TXNDC16: variants seen among roughly 807,000 people sequenced by gnomAD.
TXNDC16 encodes the protein thioredoxin domain-containing protein 16.
In TXNDC16, 74 loss-of-function variants were observed where a neutral mutation model predicts 85.6. That is an observed-to-expected ratio of 0.86 (90% confidence interval 0.72 to 1.05). The LOEUF is 1.05. TXNDC16 is among the 50% of genes least tolerant of loss of function. The pLI, the probability that TXNDC16 is intolerant of heterozygous loss-of-function variation, is 0.00. For missense variants in TXNDC16, 959 were observed against 947.0 expected, an observed-to-expected ratio of 1.01 and a Z score of -0.17; for synonymous variants, 335 against 326.5, an observed-to-expected ratio of 1.03 and a Z score of -0.28.
intron 8 of TXNDC16, 63 bp from the exon 9 acceptor site, chr14:52,511,453 AGC>A: frequency 3.7e-6 from 4 of 1,091,628 alleles, no homozygotes; most frequent in Non-Finnish European, 5.0e-6. Context: ...CCATCCAATA[AGC>A]TGTAACAATG....
chr14:52,528,917 T>C (rs1174381231), intron 6 of TXNDC16, among the ~76,000 whole-genome samples: 1 of 147,732 alleles, frequency 6.8e-6, no homozygotes, highest in Non-Finnish European at 1.5e-5. Flanking sequence ...TTATCTATAA[T>C]ACCTATTATA....
At chr14:52,530,014 ATAT>A (rs1257649575) in intron 6 of TXNDC16, among the ~76,000 whole-genome samples, 24 of 104,864 alleles carry the variant, frequency 2.3e-4, no homozygotes, top group Admixed American at 2.8e-4. Context: ...TATATATTAT[ATAT>A]TATATGTTAT....
At chr14:52,447,089 C>T (rs537832319) in intron 18 of TXNDC16, among the ~76,000 whole-genome samples, 2 of 152,164 alleles carry the variant, frequency 1.3e-5, no homozygotes, top group East Asian at 1.9e-4. Context: ...AAGGGTAGAA[C>T]ACCAAGCGGG....
At chr14:52,487,439 CTA>C (rs1375888631) in intron 12 of TXNDC16, among the ~76,000 whole-genome samples, 1 of 152,028 alleles carries the variant, frequency 6.6e-6, no homozygotes. Flanking sequence ...CAAGTATTTA[CTA>C]TATATGTTAT....
At chr14:52,509,146 CAA>C (rs1160787234) in intron 9 of TXNDC16, among the ~76,000 whole-genome samples, 1 of 151,194 alleles carries the variant, frequency 6.6e-6, no homozygotes, top group Non-Finnish European at 1.5e-5. Flanking sequence ...TCAAAGAAAA[CAA>C]AAAAGAGTTT....
Position 52,450,134 on chromosome 14 carries a change from A to G in TXNDC16, c.1842+5190T>C, listed in dbSNP as rs146215172. On this transcript the variant is annotated intron_variant, in intron 18 of 20. Transcript: ENST00000281741. ...TGAAATGAAGAGAACAATACAAAAC[A>G]TCCAGGAAACAAGTTGGTTTTCCGA... Among the ~76,000 whole-genome samples, 430 of 152,160 alleles carry G rather than the reference A, an allele frequency of 2.8e-3. 1 individual carries two copies. Among genetic ancestry groups the G allele is most frequent in the African/African-American group, 9.7e-3 (403 of 41,572 alleles).
intron 5 of TXNDC16, among the ~76,000 whole-genome samples, chr14:52,537,189 G>A (rs1395853217): frequency 1.3e-5 from 2 of 151,916 alleles, no homozygotes; most frequent in Non-Finnish European, 2.9e-5. Flanking sequence ...CCACTTCTTC[G>A]GCCAAATCCC....
chr14:52,450,451 G>GA (rs58802501), intron 18 of TXNDC16, among the ~76,000 whole-genome samples: 26,186 of 118,194 alleles, frequency 0.22, 2,609 homozygotes, highest in African/African-American at 0.3. Context: ...AAGGCTTCCA[G>GA]AAAAAAAAAA....
At chr14:52,529,035 T>C (rs1166345983) in intron 6 of TXNDC16, among the ~76,000 whole-genome samples, 1 of 148,714 alleles carries the variant, frequency 6.7e-6, no homozygotes, top group Non-Finnish European at 1.5e-5. Context: ...TTATATATTA[T>C]CTATATAATA....
At chr14:52,497,537 G>T (rs2036559240) in intron 9 of TXNDC16, among the ~76,000 whole-genome samples, 1 of 152,192 alleles carries the variant, frequency 6.6e-6, no homozygotes, top group African/African-American at 2.4e-5. Context: ...CTACAGAGCA[G>T]TATGAGCAAT....
intron 6 of TXNDC16, among the ~76,000 whole-genome samples, chr14:52,527,619 C>G (rs949063031): frequency 6.6e-6 from 1 of 152,124 alleles, no homozygotes; most frequent in Non-Finnish European, 1.5e-5. Flanking sequence ...TCTCATTCTT[C>G]AAACCTTGCT....
At chr14:52,472,958 G>A (rs570979038) in intron 14 of TXNDC16, among the ~76,000 whole-genome samples, 17 of 152,272 alleles carry the variant, frequency 1.1e-4, no homozygotes, top group African/African-American at 3.9e-4. Flanking sequence ...CATGTGTGCT[G>A]TAAGGAGCAG....
Position 52,511,266 on chromosome 14 carries a change from T to C in TXNDC16, c.730A>G (p.Ile244Val). The C allele has an allele frequency of 6.3e-7, 1 of 1,584,318 alleles. No individual in the cohort carries two copies. Among genetic ancestry groups the C allele is most frequent in the Non-Finnish European group, 8.6e-7 (1 of 1,161,938 alleles). ...AACAGAGGTGCTTTCATTGTCTTAA[T>C]AAACAGGTGAATGTTCAGTGTAGTC... is the stretch of plus-strand genomic sequence containing the variant. ...PLTTLNIHLF[I>V]KTMKAPLLTE... is the part of the protein sequence containing the mutation. Residue 244 changes from isoleucine (I) to valine (V), a missense_variant, in exon 9 of 21, where the codon ATT becomes GTT. Ile to Val is a conservative substitution (Grantham distance 29, BLOSUM62 3). Coordinates refer to ENST00000281741, the MANE Select transcript of TXNDC16 (RefSeq NM_020784.3).
At chr14:52,489,822 T>C (rs1354876420) in intron 11 of TXNDC16, among the ~76,000 whole-genome samples, 1 of 152,052 alleles carries the variant, frequency 6.6e-6, no homozygotes, top group Non-Finnish European at 1.5e-5. Flanking sequence ...ACTGCTATGG[T>C]TTGAATTCTG....
chr14:52,524,583 G>T (rs1188763918), intron 6 of TXNDC16, among the ~76,000 whole-genome samples: 6 of 152,110 alleles, frequency 3.9e-5, no homozygotes, highest in South Asian at 2.1e-4. Flanking sequence ...CGAGCTTCTG[G>T]GCTAAAGCCA....
At position 52,432,460 on chromosome 14, in the gene TXNDC16, C is replaced by G; in HGVS notation, c.2322G>C (p.Gln774His). The change falls in exon 21 of 21, where the codon CAG becomes CAC. Residue 774 changes from glutamine (Q) to histidine (H), a missense_variant. Transcript: ENST00000281741. Reference sequence around the variant, plus strand: ...CTTCATGTTGTTCCTTATCATTCTCCTGCACATCTGTTTCTTTCATACACT... The same window carrying G: ...CTTCATGTTGTTCCTTATCATTCTCGTGCACATCTGTTTCTTTCATACACT... ...VPKCMKETDVQENDKEQHEDK... is the reference protein window; with the variant it reads ...VPKCMKETDVHENDKEQHEDK... The G allele has an allele frequency of 1.2e-6, 2 of 1,613,946 alleles. No individual in the cohort carries two copies. Among genetic ancestry groups the G allele is most frequent in the Non-Finnish European group, 1.7e-6 (2 of 1,179,952 alleles).
intron 1 of TXNDC16, among the ~76,000 whole-genome samples, chr14:52,550,224 G>C (rs994905143): frequency 8.5e-5 from 13 of 152,236 alleles, no homozygotes; most frequent in African/African-American, 2.9e-4. Context: ...TCAGGAAAAA[G>C]ACACACTTCA....
chr14:52,536,745 C>A lies in TXNDC16; in HGVS notation c.366G>T (p.Val122=). 1 of 1,611,712 alleles carries A rather than the reference C, an allele frequency of 6.2e-7. No homozygotes were observed. Among genetic ancestry groups the A allele is most frequent in the Non-Finnish European group, 8.5e-7 (1 of 1,178,654 alleles). ...AGAGAACATGGGCGACAATGGCATT[C>A]ACATCAAACAAGGTGTCAGTAGGGA... ...REFPTDTLFD[V]NAIVAHVLFA... is the part of the protein sequence containing the mutation. Residue 122 remains valine (V), a synonymous_variant, in exon 6 of 21, where the codon GTG becomes GTT. Transcript: ENST00000281741.
intron 14 of TXNDC16, among the ~76,000 whole-genome samples, chr14:52,472,335 C>A (rs2035926809): frequency 6.6e-6 from 1 of 151,830 alleles, no homozygotes. Context: ...GTAGCTGGGA[C>A]GACAGGCACG....
Sources: gnomAD v4.1 joint callset for allele counts (sites outside exome capture counted in the v4.1 genomes callset) on GRCh38, gnomAD v4.1.1 for gene constraint, MANE v1.5 for transcripts, NCBI Gene and HGNC (gene_info 2026-07-23, HGNC 2026-07-21) for gene names.